The following NME7 variants were observed in gnomAD, a reference collection of about 807,000 sequenced individuals.
NME7 encodes the protein NME/NM23 family member 7.
In NME7, 41 loss-of-function variants were observed where a neutral mutation model predicts 49.1. The observed-to-expected ratio is 0.83, with a 90% CI of 0.65 to 1.08. The LOEUF (loss-of-function observed/expected upper bound fraction) is 1.08. Among genes scored for constraint, NME7 ranks in the 50% least tolerant of loss-of-function variants. The pLI is 0.00. For synonymous variants in NME7, 139 were observed against 150.6 expected (o/e 0.92, Z 0.56); for missense variants, 423 against 463.4 (o/e 0.91, Z 0.80).
At chr1:169,250,633 A>G (rs1648526071) in intron 7 of NME7, among the ~76,000 whole-genome samples, 1 of 152,080 alleles carries the variant, frequency 6.6e-6, no homozygotes, top group African/African-American at 2.4e-5. Context: ...TCCTTTTAGT[A>G]CTGCTTTTAC....
At chr1:169,160,835 C>G (rs1036641977) in intron 11 of NME7, among the ~76,000 whole-genome samples, 1 of 152,170 alleles carries the variant, frequency 6.6e-6, no homozygotes, top group African/African-American at 2.4e-5. Context: ...CACAGGCTAC[C>G]TTTCACATCC....
intron 11 of NME7, among the ~76,000 whole-genome samples, chr1:169,154,667 G>A (rs549143097): frequency 6.6e-5 from 10 of 151,932 alleles, no homozygotes; most frequent in South Asian, 2.1e-4. Flanking sequence ...GCATGGTGGC[G>A]TGCACCTGCA....
At chr1:169,351,145 A>T (rs918569666) in intron 1 of NME7, among the ~76,000 whole-genome samples, 7 of 152,110 alleles carry the variant, frequency 4.6e-5, no homozygotes, top group African/African-American at 1.4e-4. Flanking sequence ...TATTCTCAAT[A>T]TGTGAAATGT....
intron 10 of NME7, among the ~76,000 whole-genome samples, chr1:169,199,616 C>T (rs1318179834): frequency 6.6e-6 from 1 of 151,840 alleles, no homozygotes; most frequent in Non-Finnish European, 1.5e-5. Flanking sequence ...CCATGCCCAA[C>T]AGCACCCAGG....
At position 169,287,289 on chromosome 1, in the gene NME7, T is replaced by C. The variant is rs1013226029; in HGVS notation, c.754+14A>G. ...TATTAACAAAATGTACTGAATATAG[T>C]GTATTCAACATACCTTCACTGACAG... On this transcript the variant is annotated intron_variant, in intron 7 of 11. Coordinates refer to ENST00000367811, the MANE Select transcript of NME7 (RefSeq NM_013330.5). 6.5e-6 allele frequency: 10 copies of C among 1,546,274 alleles called. No homozygotes were observed. The highest frequency in any genetic ancestry group is 1.4e-5 in the African/African-American group (1 of 73,652).
At chr1:169,296,037 C>T (rs1055210428) in intron 6 of NME7, among the ~76,000 whole-genome samples, 1 of 151,782 alleles carries the variant, frequency 6.6e-6, no homozygotes, top group Non-Finnish European at 1.5e-5. Context: ...AAGTCTTCCT[C>T]TTTTTCCTAC....
intron 3 of NME7, among the ~76,000 whole-genome samples, chr1:169,318,192 T>C (rs1194157223): frequency 6.6e-6 from 1 of 152,132 alleles, no homozygotes; most frequent in Non-Finnish European, 1.5e-5. Flanking sequence ...GTGTAAGGGA[T>C]AGAGGAAATA....
chr1:169,276,810 C>A (rs1007127003), intron 7 of NME7, among the ~76,000 whole-genome samples: 3 of 135,930 alleles, frequency 2.2e-5, no homozygotes, highest in African/African-American at 7.5e-5. Context: ...TTCCTGCTTT[C>A]TCTTGTGGCC....
intron 10 of NME7, among the ~76,000 whole-genome samples, chr1:169,203,897 A>G (rs1420825636): frequency 2.0e-5 from 3 of 151,988 alleles, no homozygotes; most frequent in Non-Finnish European, 4.4e-5. Flanking sequence ...TGCTCTGTCA[A>G]CCAGGCTGGA....
intron 1 of NME7, among the ~76,000 whole-genome samples, chr1:169,330,914 C>T (rs1376379137): frequency 6.6e-6 from 1 of 151,686 alleles, no homozygotes; most frequent in African/African-American, 2.4e-5. Context: ...AAGAAAAGTC[C>T]AAAAAATAGA....
chr1:169,241,040 GA>G (rs1264008109), intron 7 of NME7, among the ~76,000 whole-genome samples: 1 of 151,988 alleles, frequency 6.6e-6, no homozygotes, highest in Non-Finnish European at 1.5e-5. Context: ...TTCCATAAAA[GA>G]AAAAGCATCT....
chr1:169,330,670 T>C (rs574603469), intron 1 of NME7, among the ~76,000 whole-genome samples: 214 of 152,120 alleles, frequency 1.4e-3, no homozygotes, highest in Non-Finnish European at 2.5e-3. Context: ...AGAGCAAGAC[T>C]CTGTCTCTAA....
intron 11 of NME7, among the ~76,000 whole-genome samples, chr1:169,168,497 T>G (rs1659479408): frequency 6.6e-6 from 1 of 152,106 alleles, no homozygotes; most frequent in Non-Finnish European, 1.5e-5. Context: ...ACAAATGCAA[T>G]CATAGCATAC....
intron 10 of NME7, among the ~76,000 whole-genome samples, chr1:169,178,638 A>T (rs1659833870): frequency 6.6e-6 from 1 of 152,074 alleles, no homozygotes; most frequent in African/African-American, 2.4e-5. Context: ...CTGTTTCTTG[A>T]GCTGAACTCT....
chr1:169,176,728 C>G (rs1021731226), intron 10 of NME7, among the ~76,000 whole-genome samples: 3 of 127,820 alleles, frequency 2.3e-5, no homozygotes, highest in Non-Finnish European at 5.3e-5. Context: ...ATTATGATCT[C>G]TTGGTTCTTT....
chr1:169,273,735 G>C (rs1388442954), intron 7 of NME7, among the ~76,000 whole-genome samples: 2 of 124,540 alleles, frequency 1.6e-5, no homozygotes, highest in Non-Finnish European at 3.7e-5. Flanking sequence ...CCTTGCGATA[G>C]TTTACTGAGA....
At chr1:169,188,971 C>T (rs1333270033) in intron 10 of NME7, among the ~76,000 whole-genome samples, 2 of 152,274 alleles carry the variant, frequency 1.3e-5, no homozygotes, top group East Asian at 3.9e-4. Context: ...TGGACACTGT[C>T]AGTCATATAA....
intron 8 of NME7, 114 bp from the exon 9 acceptor site, chr1:169,235,313 C>T: frequency 1.9e-6 from 1 of 517,714 alleles, no homozygotes; most frequent in Non-Finnish European, 3.4e-6. Flanking sequence ...AAAACATAAA[C>T]TTTACATAGA....
intron 4 of NME7, among the ~76,000 whole-genome samples, chr1:169,306,741 G>A (rs1468156071): frequency 6.6e-6 from 1 of 152,202 alleles, no homozygotes; most frequent in Non-Finnish European, 1.5e-5. Flanking sequence ...CAACAAGCTG[G>A]ATGCAGTGGC....
Sources: gnomAD v4.1 joint callset for allele counts (sites outside exome capture counted in the v4.1 genomes callset) on GRCh38, gnomAD v4.1.1 for gene constraint, MANE v1.5 for transcripts, NCBI Gene and HGNC (gene_info 2026-07-23, HGNC 2026-07-21) for gene names.